RORA: variants seen among roughly 807,000 people sequenced by gnomAD.
RORA encodes nuclear receptor ROR-alpha.
Under a neutral mutation model 69.5 loss-of-function variants are expected in RORA, and 7 were observed. The ratio of observed to expected loss-of-function variants is 0.10; its 90% CI spans 0.06 to 0.19. The LOEUF (loss-of-function observed/expected upper bound fraction) is 0.19. Among genes scored for constraint, RORA ranks in the 10% least tolerant of loss-of-function variants. The pLI, the probability that RORA is intolerant of heterozygous loss-of-function variation, is 1.00. For missense variants in RORA, 457 were observed against 663.0 expected, an observed-to-expected ratio of 0.69 and a Z score of 3.41; for synonymous variants, 261 against 240.8, an observed-to-expected ratio of 1.08 and a Z score of -0.78.
At chr15:61,000,630 T>C (rs1894715281) in intron 1 of RORA, among the ~76,000 whole-genome samples, 1 of 152,116 alleles carries the variant, frequency 6.6e-6, no homozygotes, top group Non-Finnish European at 1.5e-5. Context: ...AAAATAGACC[T>C]GGTGAGTGAA....
chr15:60,915,177 A>C (rs1052411718), intron 1 of RORA, among the ~76,000 whole-genome samples: 2 of 152,224 alleles, frequency 1.3e-5, no homozygotes, highest in Non-Finnish European at 2.9e-5. Flanking sequence ...GGGCAGAAAC[A>C]AGGCTATGGG....
At chr15:60,584,449 G>A (rs2068274341) in intron 2 of RORA, among the ~76,000 whole-genome samples, 1 of 152,214 alleles carries the variant, frequency 6.6e-6, no homozygotes, top group Non-Finnish European at 1.5e-5. Flanking sequence ...ATGGCATGTA[G>A]CTTATAGCAA....
chr15:60,763,379 G>A (rs1185017880), intron 1 of RORA, among the ~76,000 whole-genome samples: 1 of 151,968 alleles, frequency 6.6e-6, no homozygotes, highest in Non-Finnish European at 1.5e-5. Context: ...TCTCCTACCA[G>A]GGAAATTATC....
chr15:60,529,970 G>A (rs1056092096), intron 3 of RORA: 7 of 152,284 alleles, frequency 4.6e-5, no homozygotes, highest in African/African-American at 1.2e-4. Context: ...ACTGGTATCC[G>A]GGATGCTGCC....
chr15:61,027,983 G>A (rs1281775176), intron 1 of RORA, among the ~76,000 whole-genome samples: 1 of 152,160 alleles, frequency 6.6e-6, no homozygotes, highest in African/African-American at 2.4e-5. Context: ...CTAACCACTT[G>A]TTCAAGCAAA....
At chr15:61,051,801 T>C (rs1466994235) in intron 1 of RORA, among the ~76,000 whole-genome samples, 1 of 152,176 alleles carries the variant, frequency 6.6e-6, no homozygotes, top group African/African-American at 2.4e-5. Flanking sequence ...TCACTGACCA[T>C]TCCCGTGAGC....
At chr15:60,546,692 C>G (rs2067080050) in intron 2 of RORA, among the ~76,000 whole-genome samples, 1 of 152,206 alleles carries the variant, frequency 6.6e-6, no homozygotes, top group Admixed American at 6.5e-5. Flanking sequence ...CCCCAGCACA[C>G]CCTTGTCCTC....
At chr15:61,163,239 T>C (rs1267984827) in intron 1 of RORA, among the ~76,000 whole-genome samples, 4 of 152,096 alleles carry the variant, frequency 2.6e-5, no homozygotes, top group African/African-American at 7.2e-5. Context: ...GAAGGCCACA[T>C]AGAAATTAAA....
chr15:60,876,408 A>G (rs2073616785), intron 1 of RORA, among the ~76,000 whole-genome samples: 1 of 151,256 alleles, frequency 6.6e-6, no homozygotes, highest in African/African-American at 2.4e-5. Context: ...CATCTGGGCC[A>G]TATTGGGCTT....
chr15:60,897,088 T>C (rs965644921), intron 1 of RORA, among the ~76,000 whole-genome samples: 1 of 152,082 alleles, frequency 6.6e-6, no homozygotes, highest in Admixed American at 6.5e-5. Flanking sequence ...CGATGTTGTT[T>C]AATGGGCGGT....
chr15:60,782,226 CAAAAAAAGAA>C (rs1176006113), intron 1 of RORA, among the ~76,000 whole-genome samples: 1 of 149,874 alleles, frequency 6.7e-6, no homozygotes, highest in East Asian at 2.0e-4. Flanking sequence ...TCCAACTCAG[CAAAAAAAGAA>C]AAAAAAAGAA....
chr15:61,176,670 A>C (rs1596048625), intron 1 of RORA, among the ~76,000 whole-genome samples: 1 of 152,144 alleles, frequency 6.6e-6, no homozygotes, highest in South Asian at 2.1e-4. Context: ...CCATATGAAC[A>C]TGGGCAAGCT....
intron 1 of RORA, among the ~76,000 whole-genome samples, chr15:61,188,458 G>A (rs2079765594): frequency 6.6e-6 from 1 of 152,148 alleles, no homozygotes; most frequent in East Asian, 1.9e-4. Context: ...AGGTACCAGT[G>A]AGTTCTGCAA....
intron 2 of RORA, among the ~76,000 whole-genome samples, chr15:60,586,911 C>T (rs553780788): frequency 6.6e-6 from 1 of 152,096 alleles, no homozygotes; most frequent in Non-Finnish European, 1.5e-5. Context: ...TTAGACTTCA[C>T]GTGATTTTCT....
chr15:61,082,970 G>T (rs1001820506), intron 1 of RORA, among the ~76,000 whole-genome samples: 3 of 152,136 alleles, frequency 2.0e-5, no homozygotes, highest in Non-Finnish European at 1.5e-5. Context: ...ATAGAACCAG[G>T]CTGGGATGGA....
chr15:61,013,852 C>T (rs1324431344), intron 1 of RORA, among the ~76,000 whole-genome samples: 5 of 127,720 alleles, frequency 3.9e-5, no homozygotes, highest in Non-Finnish European at 4.6e-5. Context: ...GGCGCAATTT[C>T]GGCTCACTGC....
At chr15:60,668,067 CAG>C (rs2070406495) in intron 2 of RORA, among the ~76,000 whole-genome samples, 2 of 152,042 alleles carry the variant, frequency 1.3e-5, no homozygotes, top group South Asian at 4.1e-4. Flanking sequence ...TTGATAGAGT[CAG>C]GGGCAGAGTT....
chr15:60,989,646 G>C (rs1247770865), intron 1 of RORA, among the ~76,000 whole-genome samples: 1 of 152,178 alleles, frequency 6.6e-6, no homozygotes, highest in African/African-American at 2.4e-5. Context: ...AGGTGATTTA[G>C]CTTGTTCGTG....
chr15:60,830,612 A>G (rs2073029927), intron 1 of RORA, among the ~76,000 whole-genome samples: 1 of 152,250 alleles, frequency 6.6e-6, no homozygotes, highest in Non-Finnish European at 1.5e-5. Context: ...TGCAGATTGA[A>G]AACTTTTACA....
Sources: allele counts gnomAD v4.1 joint callset (sites outside exome capture counted in the v4.1 genomes callset), GRCh38; gene constraint gnomAD v4.1.1; transcripts MANE v1.5; gene names NCBI Gene and HGNC (gene_info 2026-07-23, HGNC 2026-07-21).